Variants in EIF4G1 observed in about 807,000 individuals in gnomAD.
The protein encoded by EIF4G1 is eukaryotic translation initiation factor 4 gamma 1, also known as EIF4-gamma.
A neutral mutation model predicts 187.8 loss-of-function variants in EIF4G1; 4 were observed. The observed-to-expected ratio is 0.02, with a 90% CI of 0.01 to 0.05. The LOEUF is 0.05. Among genes scored for constraint, EIF4G1 ranks in the 10% least tolerant of loss-of-function variants. The pLI is 1.00. For missense variants in EIF4G1, 1,647 were observed against 2,081.1 expected (o/e 0.79, Z 4.06); for synonymous variants, 844 against 781.4 (o/e 1.08, Z -1.34).
chr3:184,327,361 G>A lies in EIF4G1; in HGVS notation c.3574G>A (p.Glu1192Lys). Reference protein sequence around the residue: ...TKRSFSKEVEERSRERPSQPE... With the variant: ...TKRSFSKEVEKRSRERPSQPE... ...GCGGAGCTTCAGCAAGGAAGTGGAGGAGCGGAGTAGAGAACGGCCCTCCCA... is the reference window on the plus strand; with the variant it reads ...GCGGAGCTTCAGCAAGGAAGTGGAGAAGCGGAGTAGAGAACGGCCCTCCCA... The change falls in exon 24 of 33, where the codon GAG becomes AAG. Residue 1192 changes from glutamate to lysine, a missense_variant. Glu to Lys is a moderately conservative substitution (Grantham distance 56). Around this residue, in one of 11 missense-constraint regions of EIF4G1, gnomAD observed 543 missense variants for 638.0 expected, o/e 0.85. Transcript: ENST00000346169. The A allele has an allele frequency of 6.2e-7, 1 of 1,613,658 alleles. No homozygotes were observed. Among genetic ancestry groups the A allele is most frequent in the Non-Finnish European group, 8.5e-7 (1 of 1,180,030 alleles).
At chr3:184,321,201 T>TG in intron 9 of EIF4G1, 81 bp from the exon 10 acceptor site, 1 of 1,584,258 alleles carries the variant, frequency 6.3e-7, no homozygotes, top group Non-Finnish European at 8.7e-7. Context: ...AAGTTGGGAA[T>TG]GCCTGGGCTG....
chr3:184,317,845 A>T (rs1346111739), intron 6 of EIF4G1, 29 bp downstream of exon 6: 2 of 1,540,918 alleles, frequency 1.3e-6, no homozygotes, highest in Admixed American at 1.7e-5. Context: ...CAGAGGTGAG[A>T]ACAAGCCCAA....
chr3:184,328,537 G>A (rs1247496092), intron 26 of EIF4G1, 94 bp from the exon 27 acceptor site: 2 of 1,562,396 alleles, frequency 1.3e-6, no homozygotes, highest in Non-Finnish European at 8.8e-7. Context: ...TGTTCCTGGG[G>A]GTTCCATAGT....
chr3:184,324,920 C>G lies in EIF4G1; in HGVS notation c.2662C>G (p.Arg888Gly), dbSNP rs769869099. 1 of 1,614,190 alleles carries G rather than the reference C, an allele frequency of 6.2e-7. No individual in the cohort carries two copies. Among genetic ancestry groups the G allele is most frequent in the Non-Finnish European group, 8.5e-7 (1 of 1,180,052 alleles). ...GRLKEELEEA[R>G]DIARRRSLGN... is the part of the protein sequence containing the mutation. ...CCTGAAGGAAGAGCTGGAAGAGGCT[C>G]GGGACATAGCCCGGCGGCGCTCTTT... Residue 888 changes from arginine to glycine, a missense_variant, in exon 18 of 33, where the codon CGG becomes GGG. Around this residue, in one of 11 missense-constraint regions of EIF4G1, gnomAD observed 40 missense variants for 42.2 expected, o/e 0.95. Transcript: ENST00000346169.
chr3:184,324,017 C>G (rs571784652), intron 16 of EIF4G1, 40 bp downstream of exon 16: 1 of 1,611,244 alleles, frequency 6.2e-7, no homozygotes, highest in Admixed American at 1.7e-5. Flanking sequence ...GGTCTGGTTG[C>G]CCATTCCTAT....
At chr3:184,320,842 G>C in intron 8 of EIF4G1, 85 bp from the exon 9 acceptor site, 1 of 1,607,120 alleles carries the variant, frequency 6.2e-7, no homozygotes. Flanking sequence ...TGGATTTCTA[G>C]GCAGAGCTAA....
rs1338290712 is a variant in EIF4G1 at position 184,327,866 on chromosome 3, T to A, written c.3817T>A (p.Ser1273Thr). 8 of 1,613,922 alleles carry A rather than the reference T, an allele frequency of 5.0e-6. No individual in the cohort carries two copies. In the South Asian group the frequency reaches 7.7e-5, roughly 16 times the overall value. Residue 1273 changes from serine (S) to threonine (T), a missense_variant, in exon 26 of 33, where the codon TCC (serine) becomes ACC (threonine). Transcript: ENST00000346169. ...GTGCGTGCAGGAGCTGGCCTCACCC[T>A]CCTTGCTCTTCATCTTTGTACGGCA... is the stretch of plus-strand genomic sequence containing the variant. ...VQCVQELASP[S>T]LLFIFVRHGV...
Position 184,326,559 on chromosome 3 carries a change from T to C in EIF4G1, c.3255T>C (p.Phe1085=). 1 of 1,613,670 alleles carries C rather than the reference T, an allele frequency of 6.2e-7. No individual in the cohort carries two copies. The highest frequency in any genetic ancestry group is 2.2e-5 in the East Asian group (1 of 44,878). ...PGSIDSNNQL[F]APGGRLSWGK... ...CCATCGATTCTAACAACCAGCTCTTTGCACCTGGAGGGCGACTGAGCTGGG... is the reference window on the plus strand; with the variant it reads ...CCATCGATTCTAACAACCAGCTCTTCGCACCTGGAGGGCGACTGAGCTGGG... The change falls in exon 22 of 33, where the codon TTT becomes TTC. Residue 1085 remains phenylalanine, a synonymous_variant. Transcript: ENST00000346169.
chr3:184,320,309 G>A, intron 7 of EIF4G1: 1 of 1,286,512 alleles, frequency 7.8e-7, no homozygotes, highest in South Asian at 1.6e-5. Flanking sequence ...TGAGCCGATT[G>A]GGTTCTAGAT....
At chr3:184,326,400 T>C in intron 21 of EIF4G1, 127 bp from the exon 22 acceptor site, 1 of 956,898 alleles carries the variant, frequency 1.0e-6, no homozygotes, top group Non-Finnish European at 1.7e-6. Flanking sequence ...AGACTGGCCC[T>C]TTATTAAAAA....
chr3:184,320,894 A>G (rs370826689), intron 8 of EIF4G1, 33 bp from the exon 9 acceptor site: 10 of 1,613,930 alleles, frequency 6.2e-6, no homozygotes, highest in South Asian at 1.1e-5. Flanking sequence ...GGGACTCTTC[A>G]GTGCAAACTT....
At chr3:184,327,155 T>G (rs1725094218) in intron 23 of EIF4G1, 61 bp from the exon 24 acceptor site, 1 of 1,600,278 alleles carries the variant, frequency 6.2e-7, no homozygotes, top group Non-Finnish European at 8.6e-7. Context: ...CAGCATGTTG[T>G]GTAATTACAT....
In EIF4G1 at chr3:184,331,508, C is replaced by T. The variant is rs147696097; in HGVS notation, c.4297C>T (p.Pro1433Ser). The change falls in exon 30 of 33, where the codon CCT (proline) becomes TCT (serine). Residue 1433 changes from proline (P) to serine (S), a missense_variant. Physicochemically the swap from Pro to Ser is moderately conservative, Grantham distance 74. Transcript: ENST00000346169. Reference protein sequence around the residue: ...EYTLGEESEAPGQRALPSEEL... With the variant: ...EYTLGEESEASGQRALPSEEL... ...TACCCTGGGAGAGGAGTCGGAAGCCCCTGGCCAGAGGGCACTCCCCTCCGA... is the reference window on the plus strand; with the variant it reads ...TACCCTGGGAGAGGAGTCGGAAGCCTCTGGCCAGAGGGCACTCCCCTCCGA... 9.3e-6 allele frequency: 15 copies of T among 1,614,060 alleles called. No individual in the cohort carries two copies. The highest frequency in any genetic ancestry group is 1.3e-5 in the African/African-American group (1 of 74,914).
Position 184,323,746 on chromosome 3 carries a change from C to A in EIF4G1, c.2275-34C>A. The A allele has an allele frequency of 1.2e-6, 2 of 1,612,602 alleles. No individual in the cohort carries two copies. Among genetic ancestry groups the A allele is most frequent in the Non-Finnish European group, 1.7e-6 (2 of 1,179,844 alleles). On this transcript the variant is annotated intron_variant, in intron 15 of 32. Transcript: ENST00000346169. This position sits in a 1 kb window ranked among gnomAD's most constrained non-coding sequence, Gnocchi z 6.9. ...TCCCTCCCAACAGCCTGTTCTGAGA[C>A]CCTCACTGGAACTCTTGTCTCTTCT...
chr3:184,331,390 C>G lies in EIF4G1; in HGVS notation c.4260+26C>G, dbSNP rs761029688. On this transcript the variant is annotated intron_variant, in intron 29 of 32. Coordinates refer to ENST00000346169, the MANE Select transcript of EIF4G1 (RefSeq NM_198241.3). The stretch of plus-strand genomic sequence containing the variant: ...GTTTGGGGATGGAGTTGGGTTAATT[C>G]TAGCATTTGAGGCTGGCCAGTCTTC... 2.5e-6 allele frequency: 4 copies of G among 1,614,200 alleles called. 1 individual carries two copies. Among genetic ancestry groups the G allele is most frequent in the East Asian group, 4.5e-5 (2 of 44,886 alleles).
intron 17 of EIF4G1, 111 bp downstream of exon 17, chr3:184,324,458 C>G (rs951791593): frequency 5.9e-6 from 9 of 1,531,270 alleles, no homozygotes; most frequent in African/African-American, 1.4e-5. Context: ...GGGGATTTCT[C>G]TGGCTCAGGA....
Position 184,327,986 on chromosome 3 carries a change from G to A in EIF4G1, c.3937G>A (p.Ala1313Thr), listed in dbSNP as rs765111340. ...QLLCAGHLST[A>T]QYYQGLYEIL... ...GCTCTGTGCTGGGCATCTGTCTACTGCTCAGTACTACCAAGGGTATGACCA... is the reference window on the plus strand; with the variant it reads ...GCTCTGTGCTGGGCATCTGTCTACTACTCAGTACTACCAAGGGTATGACCA... The change falls in exon 26 of 33, where the codon GCT becomes ACT. Residue 1313 changes from alanine (A) to threonine (T), a missense_variant. Physicochemically the swap from Ala to Thr is moderately conservative, Grantham distance 58. This residue lies in a region of EIF4G1 where 543 missense variants were observed against 638.0 expected (regional missense o/e 0.85). Coordinates refer to ENST00000346169, the MANE Select transcript of EIF4G1 (RefSeq NM_198241.3). The A allele has an allele frequency of 1.2e-6, 2 of 1,606,640 alleles. No homozygotes were observed. The highest frequency in any genetic ancestry group is 2.2e-5 in the South Asian group (2 of 91,080).
At position 184,316,588 on chromosome 3, in the gene EIF4G1, C is replaced by T. The variant is rs1425768110; in HGVS notation, c.147+370C>T. 3 of 948,150 alleles carry T rather than the reference C, an allele frequency of 3.2e-6. No individual in the cohort carries two copies. In the African/African-American group the frequency reaches 5.0e-5, roughly 16 times the overall value. The allele number at this position is 948,150 out of a possible 1,614,324, so 58.7% of individuals were successfully genotyped here. A position where few individuals can be genotyped will look rare whatever the true frequency, so the allele number is the denominator to read the frequency against. On this transcript the variant is annotated intron_variant, in intron 4 of 32. Coordinates refer to ENST00000346169, the MANE Select transcript of EIF4G1 (RefSeq NM_198241.3). ...AACACTCCAGCTGGTCCTTGCCTTT[C>T]TCTGTTCCCCAGCTTCTTCCTTACT...
At position 184,334,607 on chromosome 3, in the gene EIF4G1, A is replaced by G; in HGVS notation, c.4619-120A>G. ...GAGGCCTAGTCACTCTGGAATGGCC[A>G]CAAATGTCAGGCTGGTGCATCAGGG... On this transcript the variant is annotated intron_variant, in intron 32 of 32. Transcript: ENST00000346169. The surrounding 1 kb of genome is among the most constrained non-coding windows in gnomAD (Gnocchi z 5.8). 8.2e-7 allele frequency: 1 copy of G among 1,224,216 alleles called. No individual in the cohort carries two copies. The highest frequency in any genetic ancestry group is 1.2e-6 in the Non-Finnish European group (1 of 844,468). 75.8% of individuals were successfully genotyped at this position (1,224,216 alleles called of 1,614,324 possible). A position where few individuals can be genotyped will look rare whatever the true frequency, so the allele number is the denominator to read the frequency against.
Sources: gnomAD v4.1 joint callset for allele counts on GRCh38, gnomAD v4.1.1 for gene constraint, gnomAD v4.1.1 regional missense constraint, Gnocchi (gnomAD v3.1) non-coding constraint, MANE v1.5 for transcripts, NCBI Gene and HGNC (gene_info 2026-07-23, HGNC 2026-07-21) for gene names.